Variants in DENND4A observed in about 807,000 individuals in gnomAD.
DENND4A encodes C-myc promoter-binding protein.
DENND4A carries 70 observed loss-of-function variants against 199.3 expected under a neutral mutation model. The observed-to-expected ratio is 0.35, with a 90% CI of 0.29 to 0.43. The LOEUF (loss-of-function observed/expected upper bound fraction) is 0.43. DENND4A is among the 20% of genes least tolerant of loss of function. DENND4A has a pLI of 1.00. For synonymous variants in DENND4A, 686 were observed against 766.9 expected (o/e 0.89, Z 1.74); for missense variants, 1,723 against 2,255.8 (o/e 0.76, Z 4.78).
Position 65,752,509 on chromosome 15 carries a change from T to C in DENND4A, c.431A>G (p.Tyr144Cys). The change falls in exon 4 of 33, where the codon TAC becomes TGC. Residue 144 changes from tyrosine (Y) to cysteine (C), a missense_variant. By Grantham distance (194) the Tyr-to-Cys change is radical (BLOSUM62 -2). Coordinates refer to ENST00000443035, the MANE Select transcript of DENND4A (RefSeq NM_001320835.1). ...AGTCATGTTTTCAGAGGCTCTTCGG[T>C]AAGTGATATAAATTCTTTGTGATGA... ...STSSQRIYIT[Y>C]RRASENMTQN... is the part of the protein sequence containing the mutation. 1 of 1,613,726 alleles carries C rather than the reference T, an allele frequency of 6.2e-7. No individual in the cohort carries two copies. Among genetic ancestry groups the C allele is most frequent in the Non-Finnish European group, 8.5e-7 (1 of 1,179,790 alleles).
intron 15 of DENND4A, among the ~76,000 whole-genome samples, chr15:65,704,107 G>A (rs1484415657): frequency 6.6e-6 from 1 of 152,042 alleles, no homozygotes. Flanking sequence ...AAGAAATCCA[G>A]GAAAACCATG....
chr15:65,668,190 C>A, intron 27 of DENND4A, 67 bp from the exon 28 acceptor site: 19 of 1,058,412 alleles, frequency 1.8e-5, no homozygotes, highest in East Asian at 2.7e-5. Context: ...CAACAAGGAT[C>A]ATGTTCTCTC....
intron 1 of DENND4A, among the ~76,000 whole-genome samples, chr15:65,763,809 T>C (rs2076915564): frequency 6.6e-6 from 1 of 152,168 alleles, no homozygotes; most frequent in South Asian, 2.1e-4. Flanking sequence ...TAGATATATG[T>C]ATTTTTAAAA....
At chr15:65,712,064 G>T (rs922010794) in intron 14 of DENND4A, among the ~76,000 whole-genome samples, 6 of 152,208 alleles carry the variant, frequency 3.9e-5, no homozygotes, top group Admixed American at 1.3e-4. Flanking sequence ...AATGAATTGA[G>T]AATTTTAAGC....
chr15:65,671,829 G>A lies in DENND4A; in HGVS notation c.4427C>T (p.Ala1476Val), dbSNP rs1316022150. ...GKSEVTSSFN[A>V]SNTNIFQNYA... ...GTTCTGGAAGATATTTGTATTACTC[G>A]CGTTGAAGGAAGATGTCACTTCTGA... Residue 1476 changes from alanine to valine, a missense_variant, in exon 25 of 33, where the codon GCG becomes GTG. Transcript: ENST00000443035. The A allele has an allele frequency of 3.1e-6, 5 of 1,612,384 alleles. No homozygotes were observed. Among genetic ancestry groups the A allele is most frequent in the Non-Finnish European group, 4.2e-6 (5 of 1,178,480 alleles).
At chr15:65,749,312 A>G (rs542411800) in intron 4 of DENND4A, among the ~76,000 whole-genome samples, 2 of 152,328 alleles carry the variant, frequency 1.3e-5, no homozygotes, top group East Asian at 3.9e-4. Flanking sequence ...ATCATGGGAA[A>G]GTAACCACCT....
At chr15:65,686,176 T>G (rs916677885) in intron 23 of DENND4A, among the ~76,000 whole-genome samples, 9 of 152,326 alleles carry the variant, frequency 5.9e-5, no homozygotes, top group African/African-American at 2.2e-4. Flanking sequence ...TCTCTCCATT[T>G]ATTTAAATCT....
chr15:65,781,554 G>A (rs2077437185), intron 1 of DENND4A, among the ~76,000 whole-genome samples: 3 of 152,212 alleles, frequency 2.0e-5, no homozygotes. Context: ...AGGAATGAGA[G>A]AGAGAGAGGG....
At chr15:65,751,953 G>A (rs1482313557) in intron 4 of DENND4A, among the ~76,000 whole-genome samples, 1 of 151,960 alleles carries the variant, frequency 6.6e-6, no homozygotes, top group Non-Finnish European at 1.5e-5. Context: ...GCAAAGATAA[G>A]AAATATTTGC....
chr15:65,774,804 T>C (rs1194792770), intron 1 of DENND4A, among the ~76,000 whole-genome samples: 1 of 149,974 alleles, frequency 6.7e-6, no homozygotes, highest in African/African-American at 2.4e-5. Flanking sequence ...GCTTATACAA[T>C]GTATTATTTT....
rs541049727 is a variant in DENND4A at position 65,691,007 on chromosome 15, C to T, written c.3587G>A (p.Ser1196Asn). 3.1e-6 allele frequency: 5 copies of T among 1,610,298 alleles called. No homozygotes were observed. The highest frequency in any genetic ancestry group is 4.2e-6 in the Non-Finnish European group (5 of 1,178,010). The part of the protein sequence containing the change: ...NPKRIQRMNS[S>N]FSVKPFEKTD... Reference sequence around the variant, plus strand: ...TTTTTCAAAAGGTTTTACTGAAAAGCTGCTGTTCATACGTTGAATCCTCTT... The same window carrying T: ...TTTTTCAAAAGGTTTTACTGAAAAGTTGCTGTTCATACGTTGAATCCTCTT... Residue 1196 changes from serine (S) to asparagine (N), a missense_variant, in exon 23 of 33, where the codon AGC (serine) becomes AAC (asparagine). Coordinates refer to ENST00000443035, the MANE Select transcript of DENND4A (RefSeq NM_001320835.1).
At chr15:65,790,836 C>T (rs1247001052) in intron 1 of DENND4A, among the ~76,000 whole-genome samples, 1 of 152,116 alleles carries the variant, frequency 6.6e-6, no homozygotes. Flanking sequence ...TACTTATTAC[C>T]CAATCTTAGG....
chr15:65,765,253 G>A (rs866562841), intron 1 of DENND4A, among the ~76,000 whole-genome samples: 28 of 152,206 alleles, frequency 1.8e-4, no homozygotes, highest in Middle Eastern at 3.4e-3. Flanking sequence ...TTCTATACAT[G>A]CACAAGAAAA....
At chr15:65,752,010 T>G (rs1174047329) in intron 4 of DENND4A, among the ~76,000 whole-genome samples, 1 of 149,344 alleles carries the variant, frequency 6.7e-6, no homozygotes, top group Non-Finnish European at 1.5e-5. Flanking sequence ...TACAAAAAAG[T>G]AGGGAGGACT....
At chr15:65,778,098 C>T (rs1257218833) in intron 1 of DENND4A, among the ~76,000 whole-genome samples, 1 of 151,984 alleles carries the variant, frequency 6.6e-6, no homozygotes, top group East Asian at 1.9e-4. Flanking sequence ...GAAAAATATT[C>T]ACCAAACAGC....
At chr15:65,755,822 T>C (rs2076686920) in intron 3 of DENND4A, among the ~76,000 whole-genome samples, 1 of 152,182 alleles carries the variant, frequency 6.6e-6, no homozygotes, top group Non-Finnish European at 1.5e-5. Flanking sequence ...AAAGCCTTTT[T>C]TCGTACTTTA....
At chr15:65,705,332 T>C (rs2075013621) in intron 15 of DENND4A, among the ~76,000 whole-genome samples, 1 of 152,196 alleles carries the variant, frequency 6.6e-6, no homozygotes, top group African/African-American at 2.4e-5. Context: ...TTTTAGAATC[T>C]TTAAACAAAG....
chr15:65,763,970 A>T (rs1256536590), intron 1 of DENND4A, among the ~76,000 whole-genome samples: 1 of 152,200 alleles, frequency 6.6e-6, no homozygotes, highest in Non-Finnish European at 1.5e-5. Context: ...AAAATTCAAC[A>T]TCAGTTGTCA....
intron 20 of DENND4A, among the ~76,000 whole-genome samples, chr15:65,698,082 T>C (rs1320396689): frequency 6.6e-6 from 1 of 151,812 alleles, no homozygotes; most frequent in Non-Finnish European, 1.5e-5. Context: ...TGAGACCTCA[T>C]CTCTACTAAA....
Sources: gnomAD v4.1 joint callset for allele counts (sites outside exome capture counted in the v4.1 genomes callset) on GRCh38, gnomAD v4.1.1 for gene constraint, MANE v1.5 for transcripts, NCBI Gene and HGNC (gene_info 2026-07-23, HGNC 2026-07-21) for gene names.